The following SLC4A4 variants were observed in gnomAD, a reference collection of about 807,000 sequenced individuals.
The protein encoded by SLC4A4 is solute carrier family 4 member 4.
In SLC4A4, 27 loss-of-function variants were observed where a neutral mutation model predicts 111.5. The observed-to-expected ratio is 0.24, with a 90% CI of 0.18 to 0.33. The LOEUF is 0.33. Among genes scored for constraint, SLC4A4 ranks in the 10% least tolerant of loss-of-function variants. SLC4A4 has a pLI of 1.00. For missense variants in SLC4A4, 909 were observed against 1,315.5 expected (o/e 0.69, Z 4.78); for synonymous variants, 443 against 463.4 (o/e 0.96, Z 0.57).
At chr4:71,161,379 G>C (rs1370601220) in intron 2 of SLC4A4, among the ~76,000 whole-genome samples, 1 of 152,150 alleles carries the variant, frequency 6.6e-6, no homozygotes, top group Non-Finnish European at 1.5e-5. Context: ...TTTACTGAGG[G>C]GATGATGTCA....
chr4:71,559,206 T>C (rs1405649668), intron 22 of SLC4A4, among the ~76,000 whole-genome samples: 1 of 151,908 alleles, frequency 6.6e-6, no homozygotes, highest in Non-Finnish European at 1.5e-5. Flanking sequence ...ACTGCTTAAT[T>C]TGAAGCAAGT....
intron 24 of SLC4A4, among the ~76,000 whole-genome samples, chr4:71,564,404 T>C (rs1332509998): frequency 6.6e-6 from 1 of 152,060 alleles, no homozygotes; most frequent in South Asian, 2.1e-4. Context: ...TAGATATAAC[T>C]TATATGCATT....
At chr4:71,460,497 T>A (rs970524312) in intron 12 of SLC4A4, among the ~76,000 whole-genome samples, 1 of 152,176 alleles carries the variant, frequency 6.6e-6, no homozygotes. Flanking sequence ...GTCTTTCAAG[T>A]CTTGCCTCTT....
chr4:71,157,306 A>G (rs1422844640), intron 2 of SLC4A4, among the ~76,000 whole-genome samples: 2 of 152,328 alleles, frequency 1.3e-5, no homozygotes, highest in African/African-American at 2.4e-5. Flanking sequence ...GAAATCAACT[A>G]TCAGAATAAT....
At chr4:71,180,536 G>A (rs924993542) in intron 2 of SLC4A4, among the ~76,000 whole-genome samples, 2 of 152,130 alleles carry the variant, frequency 1.3e-5, no homozygotes, top group Admixed American at 6.5e-5. Context: ...CAAAAAGTGG[G>A]CAAAGGATAT....
intron 3 of SLC4A4, chr4:71,300,614 G>T (rs888163880): frequency 9.8e-6 from 3 of 304,748 alleles, no homozygotes; most frequent in Non-Finnish European, 1.3e-5. Flanking sequence ...CTCTTCATGA[G>T]CAGCTCTGTA....
intron 2 of SLC4A4, among the ~76,000 whole-genome samples, chr4:71,248,908 A>G (rs1720867258): frequency 6.6e-6 from 1 of 152,196 alleles, no homozygotes. Flanking sequence ...ACGTTTGCTG[A>G]GCTAAAGGAC....
At chr4:71,192,360 T>C (rs995292701) in intron 1 of SLC4A4, among the ~76,000 whole-genome samples, 1 of 152,216 alleles carries the variant, frequency 6.6e-6, no homozygotes, top group African/African-American at 2.4e-5. Context: ...GAATTCACTT[T>C]ACTCCTAGGA....
Position 71,461,234 on chromosome 4 carries a change from T to C in SLC4A4, c.1498-5210T>C, listed in dbSNP as rs866579599. Among the ~76,000 whole-genome samples the C allele has an allele frequency of 3.9e-5, 6 of 152,244 alleles. No homozygotes were observed. In the South Asian group the frequency reaches 8.3e-4, roughly 21 times the overall value. ...GAAACACGACAGTAATGTTGGTAAA[T>C]GCTTTATCATTTGATGCCACCTTTA... On this transcript the variant is annotated intron_variant, in intron 12 of 25. Coordinates refer to ENST00000264485, the MANE Select transcript of SLC4A4 (RefSeq NM_001098484.3).
chr4:71,362,336 A>G (rs1419911630), intron 6 of SLC4A4, among the ~76,000 whole-genome samples: 1 of 152,202 alleles, frequency 6.6e-6, no homozygotes, highest in African/African-American at 2.4e-5. Flanking sequence ...TCTTTTTTCA[A>G]TAAAAAATTG....
At chr4:71,064,728 A>G (rs1741471770) in intron 1 of SLC4A4, among the ~76,000 whole-genome samples, 1 of 152,190 alleles carries the variant, frequency 6.6e-6, no homozygotes, top group Non-Finnish European at 1.5e-5. Flanking sequence ...GCCTCCAGCA[A>G]TCTCTGTGGT....
chr4:71,484,718 A>G (rs1023886060), intron 14 of SLC4A4, among the ~76,000 whole-genome samples: 2 of 151,822 alleles, frequency 1.3e-5, no homozygotes, highest in African/African-American at 4.8e-5. Context: ...TTCAATAGGA[A>G]TAACAGTGAA....
chr4:71,382,184 CA>C (rs574563111), intron 6 of SLC4A4, among the ~76,000 whole-genome samples: 143 of 141,448 alleles, frequency 1.0e-3, no homozygotes, highest in African/African-American at 1.2e-3. Context: ...ATTGATTTTC[CA>C]AAAAAAAAAA....
intron 1 of SLC4A4, among the ~76,000 whole-genome samples, chr4:71,067,938 A>G (rs1209590288): frequency 2.0e-5 from 3 of 151,874 alleles, no homozygotes; most frequent in Non-Finnish European, 4.4e-5. Flanking sequence ...TTGTAGAGAT[A>G]GGATCTTGCT....
chr4:71,404,075 A>G (rs1333706340), intron 7 of SLC4A4, among the ~76,000 whole-genome samples: 1 of 152,240 alleles, frequency 6.6e-6, no homozygotes, highest in Non-Finnish European at 1.5e-5. Flanking sequence ...TAATTATATT[A>G]CATTATTAAT....
At chr4:71,368,317 G>A (rs1731526802) in intron 6 of SLC4A4, among the ~76,000 whole-genome samples, 1 of 152,102 alleles carries the variant, frequency 6.6e-6, no homozygotes, top group Admixed American at 6.6e-5. Flanking sequence ...ATTTGGCATA[G>A]GTGCACCAAA....
At chr4:71,353,672 A>T (rs896659882) in intron 5 of SLC4A4, among the ~76,000 whole-genome samples, 8 of 152,150 alleles carry the variant, frequency 5.3e-5, no homozygotes, top group Non-Finnish European at 1.0e-4. Context: ...GATACTTCTG[A>T]GTTGAGAATT....
chr4:71,165,253 C>T (rs997251760), intron 2 of SLC4A4, among the ~76,000 whole-genome samples: 2 of 152,184 alleles, frequency 1.3e-5, no homozygotes, highest in Admixed American at 1.3e-4. Context: ...AACTTGCACA[C>T]GTATGTTTAT....
chr4:71,404,991 T>G (rs1200595531), intron 7 of SLC4A4, among the ~76,000 whole-genome samples: 1 of 151,818 alleles, frequency 6.6e-6, no homozygotes, highest in Non-Finnish European at 1.5e-5. Flanking sequence ...ATATATAATT[T>G]TTTTTTGAGA....
Sources: gnomAD v4.1 joint callset for allele counts (sites outside exome capture counted in the v4.1 genomes callset) on GRCh38, gnomAD v4.1.1 for gene constraint, MANE v1.5 for transcripts, NCBI Gene and HGNC (gene_info 2026-07-23, HGNC 2026-07-21) for gene names.